Variants in SLC24A2 observed in about 807,000 individuals in gnomAD.
SLC24A2 encodes sodium/potassium/calcium exchanger 2.
A neutral mutation model predicts 62.0 loss-of-function variants in SLC24A2; 36 were observed. The ratio of observed to expected loss-of-function variants is 0.58; its 90% CI spans 0.44 to 0.77. SLC24A2 has a LOEUF of 0.77. SLC24A2 is among the 30% of genes least tolerant of loss of function. The probability of loss-of-function intolerance (pLI) is 0.00; values close to 1 mark genes in which losing one functional copy is unlikely to be tolerated. For synonymous variants in SLC24A2, 358 were observed against 294.0 expected (o/e 1.22, Z -2.23); for missense variants, 846 against 817.9 (o/e 1.03, Z -0.42).
the SLC24A2 span, among the ~76,000 whole-genome samples, chr9:20,242,655 C>T: frequency 6.6e-6 from 1 of 152,158 alleles, no homozygotes; most frequent in Non-Finnish European, 1.5e-5. Context: ...GCTCTGACTC[C>T]GGGATGCAAC....
chr9:19,625,250 A>G (rs142449075), intron 2 of SLC24A2, among the ~76,000 whole-genome samples: 2 of 152,322 alleles, frequency 1.3e-5, no homozygotes, highest in African/African-American at 4.8e-5. Context: ...ATGAAAGCCC[A>G]ATTCCTGGTA....
chr9:19,603,463 G>C (rs974930323), intron 4 of SLC24A2, among the ~76,000 whole-genome samples: 5 of 152,050 alleles, frequency 3.3e-5, no homozygotes, highest in Admixed American at 2.6e-4. Flanking sequence ...ACAGGAGCTT[G>C]GTTATATTAC....
chr9:19,508,615 A>C lies in SLC24A2; in HGVS notation c.*7538T>G, dbSNP rs1310546266. The C allele has an allele frequency of 2.0e-5, 3 of 152,054 alleles. No individual in the cohort carries two copies. The highest frequency in any genetic ancestry group is 4.4e-5 in the Non-Finnish European group (3 of 68,040). The allele number at this position is 152,054 out of a possible 1,614,324, so 9.4% of individuals were successfully genotyped here. Reference sequence around the variant, plus strand: ...TGAGACCAGCCTGGGTAACATAGTGAGACTCCATCTCTTAACAACAACAAC... The same window carrying C: ...TGAGACCAGCCTGGGTAACATAGTGCGACTCCATCTCTTAACAACAACAAC... On this transcript the variant is annotated 3_prime_UTR_variant, in exon 11 of 11. Transcript: ENST00000341998.
the SLC24A2 span, among the ~76,000 whole-genome samples, chr9:20,002,766 A>G: frequency 6.6e-6 from 1 of 152,124 alleles, no homozygotes; most frequent in African/African-American, 2.4e-5. Flanking sequence ...ACACTTCTGG[A>G]TTTTTCCTCC....
the SLC24A2 span, among the ~76,000 whole-genome samples, chr9:20,181,248 GA>G: frequency 0.12 from 17,561 of 141,626 alleles, 1,101 homozygotes; most frequent in Non-Finnish European, 0.15. Context: ...TTTCTCATCT[GA>G]AAAAAAAAAA....
rs1289043231 is a variant in SLC24A2 at position 19,647,062 on chromosome 9, A to ACGCG, written c.931-24767_931-24764dup. On this transcript the variant is annotated intron_variant, in intron 2 of 10. Transcript: ENST00000341998. ...TCTCTCTCTTTCCACACACACACAC[A>ACGCG]CGCGCGCACACACACACACACACAC... Among the ~76,000 whole-genome samples the ACGCG allele has an allele frequency of 3.5e-3, 110 of 31,692 alleles. 1 individual carries two copies. Among genetic ancestry groups the ACGCG allele is most frequent in the Non-Finnish European group, 5.8e-3 (99 of 17,170 alleles). 20.8% of individuals were successfully genotyped at this position (31,692 alleles called of 152,430 possible).
At chr9:19,536,035 T>A (rs1025302188) in intron 8 of SLC24A2, among the ~76,000 whole-genome samples, 2 of 152,044 alleles carry the variant, frequency 1.3e-5, no homozygotes, top group African/African-American at 4.8e-5. Context: ...GGTTTGCAGT[T>A]CTCCTTGAAG....
the SLC24A2 span, among the ~76,000 whole-genome samples, chr9:19,986,395 T>A: frequency 1.5e-5 from 2 of 137,876 alleles, no homozygotes; most frequent in South Asian, 5.1e-4. Context: ...AAGTTAAGTA[T>A]AGGATGACCC....
At chr9:19,743,782 A>G (rs1376449319) in intron 2 of SLC24A2, among the ~76,000 whole-genome samples, 1 of 152,138 alleles carries the variant, frequency 6.6e-6, no homozygotes, top group Non-Finnish European at 1.5e-5. Flanking sequence ...TTCAAAAAGC[A>G]TGGACATTTA....
chr9:20,198,651 ATC>A, the SLC24A2 span, among the ~76,000 whole-genome samples: 23 of 147,546 alleles, frequency 1.6e-4, no homozygotes, highest in Admixed American at 2.7e-4. Flanking sequence ...GTCCCCTCGC[ATC>A]TCTCTCTCTC....
the SLC24A2 span, among the ~76,000 whole-genome samples, chr9:20,175,250 G>A: frequency 6.6e-6 from 1 of 151,764 alleles, no homozygotes; most frequent in East Asian, 1.9e-4. Flanking sequence ...GTGGGAAGGC[G>A]GTAGGGATAA....
the SLC24A2 span, among the ~76,000 whole-genome samples, chr9:19,816,181 C>T: frequency 8.5e-5 from 13 of 152,176 alleles, no homozygotes; most frequent in African/African-American, 2.6e-4. Flanking sequence ...AAATCCTCCT[C>T]AGCCTCACCT....
chr9:19,715,358 T>C (rs767518032), intron 2 of SLC24A2, among the ~76,000 whole-genome samples: 1 of 152,182 alleles, frequency 6.6e-6, no homozygotes, highest in Non-Finnish European at 1.5e-5. Context: ...CCTTCAAGAT[T>C]AGAGTCATAA....
chr9:20,146,147 A>G, the SLC24A2 span, among the ~76,000 whole-genome samples: 7 of 152,184 alleles, frequency 4.6e-5, no homozygotes, highest in Admixed American at 3.3e-4. Flanking sequence ...TCTAAAATGT[A>G]GAGTCCCAGA....
chr9:19,649,937 C>T (rs1174701403), intron 2 of SLC24A2, among the ~76,000 whole-genome samples: 1 of 152,212 alleles, frequency 6.6e-6, no homozygotes, highest in Non-Finnish European at 1.5e-5. Flanking sequence ...ATGTCATGCT[C>T]ACAGGCAAGT....
the SLC24A2 span, among the ~76,000 whole-genome samples, chr9:20,083,869 A>G: frequency 9.2e-5 from 14 of 152,238 alleles, no homozygotes; most frequent in Non-Finnish European, 1.6e-4. Flanking sequence ...TTACCTACCA[A>G]TTGATGCACA....
At chr9:19,945,753 G>A in the SLC24A2 span, among the ~76,000 whole-genome samples, 5 of 152,204 alleles carry the variant, frequency 3.3e-5, no homozygotes, top group Non-Finnish European at 5.9e-5. Flanking sequence ...CACACTTTGA[G>A]TTCCCAATTC....
chr9:20,146,822 A>C, the SLC24A2 span, among the ~76,000 whole-genome samples: 1 of 152,114 alleles, frequency 6.6e-6, no homozygotes, highest in Non-Finnish European at 1.5e-5. Flanking sequence ...GCTGGGGGAC[A>C]GTGGCAGAGT....
chr9:19,849,648 CCAA>C, the SLC24A2 span, among the ~76,000 whole-genome samples: 1 of 152,114 alleles, frequency 6.6e-6, no homozygotes, highest in Non-Finnish European at 1.5e-5. Flanking sequence ...AATTTACTCA[CCAA>C]CGTGTAGGCT....
Sources: allele counts gnomAD v4.1 joint callset (sites outside exome capture counted in the v4.1 genomes callset), GRCh38; gene constraint gnomAD v4.1.1; transcripts MANE v1.5; gene names NCBI Gene and HGNC (gene_info 2026-07-23, HGNC 2026-07-21).